COPZ1: variants seen among roughly 807,000 people sequenced by gnomAD.
COPZ1 encodes the protein coat protein complex I subunit zeta 1, also known as coatomer subunit zeta-1.
In COPZ1, 4 loss-of-function variants were observed where a neutral mutation model predicts 31.7. The observed-to-expected ratio is 0.13, with a 90% CI of 0.06 to 0.29. The LOEUF (loss-of-function observed/expected upper bound fraction) is 0.29, where lower values mean the gene tolerates loss of function less well. Among genes scored for constraint, COPZ1 ranks in the 10% least tolerant of loss-of-function variants. COPZ1 has a pLI of 1.00. For missense variants in COPZ1, 156 were observed against 211.5 expected, an observed-to-expected ratio of 0.74 and a Z score of 1.63; for synonymous variants, 74 against 79.0, an observed-to-expected ratio of 0.94 and a Z score of 0.33.
At chr12:54,339,992 T>C (rs140871333) in intron 1 of COPZ1, among the ~76,000 whole-genome samples, 1 of 149,960 alleles carries the variant, frequency 6.7e-6, no homozygotes, top group Admixed American at 6.6e-5. Flanking sequence ...TGTGTGTGTG[T>C]GTGTGTGTGT....
chr12:54,339,427 G>A (rs182712653), intron 1 of COPZ1, among the ~76,000 whole-genome samples: 1 of 152,164 alleles, frequency 6.6e-6, no homozygotes, highest in East Asian at 1.9e-4. Flanking sequence ...AGCTCAGCGT[G>A]GTCTTAAACT....
chr12:54,342,624 G>A (rs1314449856), intron 3 of COPZ1: 14 of 300,924 alleles, frequency 4.7e-5, no homozygotes, highest in Middle Eastern at 1.1e-3. Flanking sequence ...TTTCACCTCC[G>A]AAGGATCGAC....
At chr12:54,336,983 C>T (rs924739926) in intron 1 of COPZ1, among the ~76,000 whole-genome samples, 5 of 140,800 alleles carry the variant, frequency 3.6e-5, no homozygotes, top group Non-Finnish European at 6.0e-5. Context: ...GTTTGCTCCA[C>T]TGCACTCCAG....
At chr12:54,349,565 T>A in intron 7 of COPZ1, 55 bp from the exon 8 acceptor site, 1 of 1,410,586 alleles carries the variant, frequency 7.1e-7, no homozygotes, top group Non-Finnish European at 1.0e-6. Flanking sequence ...CAGACTCCAA[T>A]CAGGTCTTAC....
In COPZ1 at chr12:54,351,736, ATAACGGGGCATATT is replaced by A. The variant is rs1258830377; in HGVS notation, c.*1217_*1230del. ...GTTCTCCAGCACTGAGGTGGGGCAG[ATAACGGGGCATATT>A]TAAGGGGGCATCTTTGTGTAAAAGA... On this transcript the variant is annotated 3_prime_UTR_variant, in exon 9 of 9. Transcript: ENST00000262061. 6.6e-6 allele frequency: 1 copy of A among 152,234 alleles called. No individual in the cohort carries two copies. The highest frequency in any genetic ancestry group is 1.5e-5 in the Non-Finnish European group (1 of 68,048). 9.4% of individuals were successfully genotyped at this position (152,234 alleles called of 1,614,324 possible). A position where few individuals can be genotyped will look rare whatever the true frequency, so the allele number is the denominator to read the frequency against.
intron 1 of COPZ1, among the ~76,000 whole-genome samples, chr12:54,328,070 C>T (rs553379761): frequency 6.9e-5 from 10 of 144,792 alleles, no homozygotes; most frequent in African/African-American, 2.3e-4. Flanking sequence ...GTCAGGAGTT[C>T]GAAACCAGCC....
chr12:54,334,500 C>T (rs929547826), intron 1 of COPZ1, among the ~76,000 whole-genome samples: 1 of 152,068 alleles, frequency 6.6e-6, no homozygotes, highest in Non-Finnish European at 1.5e-5. Flanking sequence ...CATCTGAAGT[C>T]TATCGGATTG....
Position 54,349,129 on chromosome 12 carries a change from C to T in COPZ1, c.448-491C>T, listed in dbSNP as rs183141952. Among the ~76,000 whole-genome samples, 109 of 152,210 alleles carry T rather than the reference C, an allele frequency of 7.2e-4. 1 individual carries two copies. The highest frequency in any genetic ancestry group is 2.6e-3 in the African/African-American group (107 of 41,524). On this transcript the variant is annotated intron_variant, in intron 7 of 8. Coordinates refer to ENST00000262061, the MANE Select transcript of COPZ1 (RefSeq NM_016057.3). ...CTCTGTGTGGCAAGAGAGAGGGTCC[C>T]CCCCATCAACTCCCCGCTTTGTCTT... is the stretch of plus-strand genomic sequence containing the variant.
At chr12:54,325,857 C>T (rs1953624265) in intron 1 of COPZ1, among the ~76,000 whole-genome samples, 1 of 149,778 alleles carries the variant, frequency 6.7e-6, no homozygotes, top group African/African-American at 2.5e-5. Context: ...GCTCTGTCAC[C>T]CAGGCTGGAG....
At chr12:54,348,141 C>G in intron 7 of COPZ1, 90 bp downstream of exon 7, 1 of 1,137,338 alleles carries the variant, frequency 8.8e-7, no homozygotes, top group Admixed American at 1.8e-5. Context: ...GTAGTTGGGG[C>G]TCATAGGATA....
intron 1 of COPZ1, among the ~76,000 whole-genome samples, chr12:54,329,328 G>A (rs1018510507): frequency 6.6e-6 from 1 of 151,944 alleles, no homozygotes; most frequent in Non-Finnish European, 1.5e-5. Flanking sequence ...GGCCGGGCTC[G>A]GTGGCTCACA....
chr12:54,340,008 T>C (rs1459046632), intron 1 of COPZ1, among the ~76,000 whole-genome samples: 3 of 151,818 alleles, frequency 2.0e-5, no homozygotes, highest in African/African-American at 7.3e-5. Flanking sequence ...TGTGTGTGTG[T>C]GTGTGTGTGT....
chr12:54,332,930 C>G (rs1194191828), intron 1 of COPZ1, among the ~76,000 whole-genome samples: 3 of 152,000 alleles, frequency 2.0e-5, no homozygotes, highest in Admixed American at 2.0e-4. Flanking sequence ...TCACTCATTT[C>G]CCCTCTTTTT....
chr12:54,330,314 G>A (rs1009267629), intron 1 of COPZ1, among the ~76,000 whole-genome samples: 4 of 152,262 alleles, frequency 2.6e-5, no homozygotes, highest in African/African-American at 9.6e-5. Context: ...AAACTGTGCT[G>A]TTACTCTGGC....
intron 1 of COPZ1, among the ~76,000 whole-genome samples, chr12:54,339,055 AT>A (rs60149186): frequency 4.1e-4 from 62 of 152,250 alleles, no homozygotes; most frequent in African/African-American, 1.4e-3. Context: ...GGTTTCTTAA[AT>A]AAGGCCAGGA....
intron 1 of COPZ1, among the ~76,000 whole-genome samples, chr12:54,330,600 C>T (rs1174887059): frequency 6.6e-6 from 1 of 152,158 alleles, no homozygotes; most frequent in Admixed American, 6.6e-5. Context: ...AAAACCAGAC[C>T]CTTGAGAAGC....
intron 1 of COPZ1, among the ~76,000 whole-genome samples, chr12:54,328,071 G>A (rs988648665): frequency 1.3e-5 from 2 of 151,310 alleles, no homozygotes; most frequent in African/African-American, 2.4e-5. Flanking sequence ...TCAGGAGTTC[G>A]AAACCAGCCT....
chr12:54,328,416 A>G (rs1565588171), intron 1 of COPZ1, among the ~76,000 whole-genome samples: 2 of 151,970 alleles, frequency 1.3e-5, no homozygotes, highest in East Asian at 3.9e-4. Flanking sequence ...CTAAAAATAC[A>G]AAACTTAGCT....
At chr12:54,330,862 A>G (rs1953737498) in intron 1 of COPZ1, among the ~76,000 whole-genome samples, 1 of 152,224 alleles carries the variant, frequency 6.6e-6, no homozygotes, top group Admixed American at 6.5e-5. Flanking sequence ...AGTAATTAGG[A>G]AGAGGAAAGG....
Sources: gnomAD v4.1 joint callset for allele counts (sites outside exome capture counted in the v4.1 genomes callset) on GRCh38, gnomAD v4.1.1 for gene constraint, MANE v1.5 for transcripts, NCBI Gene and HGNC (gene_info 2026-07-23, HGNC 2026-07-21) for gene names.